Variants in PDZD9 observed in about 807,000 individuals in gnomAD.
PDZD9 encodes the protein PDZ domain-containing protein 9.
Under a neutral mutation model 16.3 loss-of-function variants are expected in PDZD9, and 13 were observed. The observed-to-expected ratio is 0.80, with a 90% confidence interval of 0.52 to 1.27. PDZD9 has a LOEUF of 1.27. PDZD9 is among the 50% of genes most tolerant of loss of function. The pLI is 0.00. For synonymous variants in PDZD9, 120 were observed against 111.0 expected (o/e 1.08, Z -0.51); for missense variants, 288 against 310.9 (o/e 0.93, Z 0.55).
chr16:21,975,932 C>T, the PDZD9 span, among the ~76,000 whole-genome samples: 3 of 152,140 alleles, frequency 2.0e-5, no homozygotes, highest in African/African-American at 7.2e-5. Flanking sequence ...GTAGCATGCA[C>T]CTGTAGTCCC....
At chr16:21,960,095 G>A in the PDZD9 span, among the ~76,000 whole-genome samples, 4 of 152,154 alleles carry the variant, frequency 2.6e-5, no homozygotes, top group African/African-American at 7.2e-5. Flanking sequence ...TCAGCTTGTC[G>A]TTTGAAGCTT....
At chr16:21,971,536 C>T in the PDZD9 span, 1 of 1,613,596 alleles carries the variant, frequency 6.2e-7, no homozygotes, top group Non-Finnish European at 8.5e-7. Context: ...TGTGAGTCAT[C>T]CTGTTCTAAA....
chr16:21,976,741 C>A, the PDZD9 span: 1 of 152,302 alleles, frequency 6.6e-6, no homozygotes, highest in Non-Finnish European at 1.5e-5. Flanking sequence ...AAGTTAGGGA[C>A]CATCTGTATA....
At chr16:21,964,371 A>G in the PDZD9 span, among the ~76,000 whole-genome samples, 4 of 152,124 alleles carry the variant, frequency 2.6e-5, no homozygotes, top group South Asian at 6.2e-4. Flanking sequence ...TCTTGAGTCC[A>G]TCTCCCACAC....
chr16:21,996,352 C>T lies in PDZD9; in HGVS notation c.181G>A (p.Ala61Thr), dbSNP rs1899148965. 1.3e-6 allele frequency: 2 copies of T among 1,535,920 alleles called. No homozygotes were observed. Among genetic ancestry groups the T allele is most frequent in the African/African-American group, 1.4e-5 (1 of 73,138 alleles). Residue 61 changes from alanine to threonine, a missense_variant, in exon 2 of 4, where the codon GCT becomes ACT. Physicochemically the swap from Ala to Thr is moderately conservative, Grantham distance 58. Transcript: ENST00000424898. ...LQITHLIRKG[A>T]AANDGKLQPG... ...TGGAGTTTCCCGTCGTTGGCTGCAG[C>T]CCCCTTCCTGATGAGGTGGGTGATC...
the PDZD9 span, chr16:21,976,218 T>C: frequency 6.2e-7 from 1 of 1,614,030 alleles, no homozygotes; most frequent in South Asian, 1.1e-5. Context: ...AGGAAACCTT[T>C]CCAACACAGA....
the PDZD9 span, among the ~76,000 whole-genome samples, chr16:21,969,880 T>G: frequency 4.6e-5 from 7 of 152,116 alleles, no homozygotes; most frequent in East Asian, 1.9e-4. Flanking sequence ...TTTTGTTTTT[T>G]TTTTTAAAGA....
At chr16:21,958,278 A>G in the PDZD9 span, among the ~76,000 whole-genome samples, 7 of 152,324 alleles carry the variant, frequency 4.6e-5, no homozygotes, top group South Asian at 1.4e-3. Flanking sequence ...TTTCCCATAT[A>G]CAAGTCTCTT....
intron 2 of PDZD9, among the ~76,000 whole-genome samples, chr16:21,991,150 G>C (rs1899012129): frequency 6.6e-6 from 1 of 152,092 alleles, no homozygotes; most frequent in Non-Finnish European, 1.5e-5. Context: ...GCCTAGCTGG[G>C]TGTCTGCACA....
chr16:21,989,014 C>T (rs1466999915), intron 2 of PDZD9, among the ~76,000 whole-genome samples: 4 of 150,618 alleles, frequency 2.7e-5, no homozygotes, highest in African/African-American at 7.3e-5. Flanking sequence ...CTGCAAGCTC[C>T]GCCTCCCAGG....
rs1344447099 is a variant in PDZD9 at position 21,988,727 on chromosome 16, C to T, written c.276G>A (p.Gln92=). The change falls in exon 3 of 4, where the codon CAG becomes CAA. Residue 92 remains glutamine, a synonymous_variant. Transcript: ENST00000424898. ...TTCCAATAGTGATATGTTGCAAAAG[C>T]TGTAAAAATTCTCGAAGAGTATATC... is the stretch of plus-strand genomic sequence containing the variant. ...VLGYTLREFL[Q]LLQHITIGTV... 1 of 1,613,408 alleles carries T rather than the reference C, an allele frequency of 6.2e-7. No homozygotes were observed. The highest frequency in any genetic ancestry group is 8.5e-7 in the Non-Finnish European group (1 of 1,179,724).
the PDZD9 span, among the ~76,000 whole-genome samples, chr16:21,965,902 T>C: frequency 6.6e-6 from 1 of 152,168 alleles, no homozygotes; most frequent in Non-Finnish European, 1.5e-5. Flanking sequence ...TAGGCTGGTC[T>C]TGAACTCTTA....
At chr16:21,974,798 C>T in the PDZD9 span, among the ~76,000 whole-genome samples, 23 of 152,172 alleles carry the variant, frequency 1.5e-4, no homozygotes, top group African/African-American at 5.5e-4. Flanking sequence ...GAAAGGAATA[C>T]TTGGGATCCA....
At chr16:21,971,425 T>C in the PDZD9 span, 90 of 969,848 alleles carry the variant, frequency 9.3e-5, 1 homozygote, top group African/African-American at 1.3e-3. Flanking sequence ...TTTGTAGTGT[T>C]AGGATTTTAC....
At chr16:21,978,264 T>C in the PDZD9 span, among the ~76,000 whole-genome samples, 1 of 152,228 alleles carries the variant, frequency 6.6e-6, no homozygotes, top group Non-Finnish European at 1.5e-5. Context: ...AAAATCATTT[T>C]TTAATTAAGC....
the PDZD9 span, chr16:21,971,483 G>A: frequency 3.4e-6 from 5 of 1,466,304 alleles, no homozygotes; most frequent in East Asian, 9.2e-5. Flanking sequence ...TTGTGTTTTA[G>A]TAATTGTGGT....
the PDZD9 span, among the ~76,000 whole-genome samples, chr16:21,960,284 G>C: frequency 9.9e-5 from 15 of 152,226 alleles, no homozygotes; most frequent in Non-Finnish European, 2.2e-4. Flanking sequence ...GCTTCACTGT[G>C]TACTATTATA....
the PDZD9 span, chr16:21,976,699 CCAAA>C: frequency 6.5e-6 from 1 of 152,892 alleles, no homozygotes; most frequent in East Asian, 1.9e-4. Flanking sequence ...AGTCATCCAG[CCAAA>C]CAAACATAAG....
intron 1 of PDZD9, 75 bp downstream of exon 1, chr16:22,000,942 C>T: frequency 6.8e-7 from 1 of 1,464,358 alleles, no homozygotes; most frequent in Non-Finnish European, 9.2e-7. Flanking sequence ...GCACCGTTGC[C>T]ATTTTACAGA....
Sources: allele counts gnomAD v4.1 joint callset (sites outside exome capture counted in the v4.1 genomes callset), GRCh38; gene constraint gnomAD v4.1.1; transcripts MANE v1.5; gene names NCBI Gene and HGNC (gene_info 2026-07-23, HGNC 2026-07-21).